Variants in MINPP1 observed in about 807,000 individuals in gnomAD.
MINPP1 encodes multiple inositol-polyphosphate phosphatase 1.
Under a neutral mutation model 46.1 loss-of-function variants are expected in MINPP1, and 28 were observed. That is an observed-to-expected ratio of 0.61 (90% CI 0.45 to 0.83). The LOEUF is 0.83. MINPP1 is among the 40% of genes least tolerant of loss of function. The pLI, the probability that MINPP1 is intolerant of heterozygous loss-of-function variation, is 0.00. For missense variants in MINPP1, 603 were observed against 610.0 expected (o/e 0.99, Z 0.12); for synonymous variants, 268 against 249.1 (o/e 1.08, Z -0.72).
intron 4 of MINPP1, among the ~76,000 whole-genome samples, chr10:87,544,105 A>G (rs911146574): frequency 3.3e-5 from 5 of 152,122 alleles, no homozygotes; most frequent in African/African-American, 1.2e-4. Context: ...CTTTTCAGAC[A>G]CCAGTCATAA....
chr10:87,515,263 T>A (rs370663261), intron 3 of MINPP1, among the ~76,000 whole-genome samples: 2 of 152,028 alleles, frequency 1.3e-5, no homozygotes, highest in East Asian at 2.0e-4. Flanking sequence ...GGTGCACACC[T>A]GTGATCCCAG....
intron 4 of MINPP1, among the ~76,000 whole-genome samples, chr10:87,545,273 T>G (rs1851870601): frequency 6.6e-6 from 1 of 152,094 alleles, no homozygotes; most frequent in Non-Finnish European, 1.5e-5. Context: ...AAAATTTCTC[T>G]AAGTGGGATT....
chr10:87,540,547 A>G (rs1458503477), intron 4 of MINPP1, among the ~76,000 whole-genome samples: 1 of 152,026 alleles, frequency 6.6e-6, no homozygotes, highest in Non-Finnish European at 1.5e-5. Flanking sequence ...CCTCATTCAG[A>G]CATATACACA....
At chr10:87,530,370 G>T (rs1309261071) in intron 4 of MINPP1, among the ~76,000 whole-genome samples, 2 of 152,154 alleles carry the variant, frequency 1.3e-5, no homozygotes, top group East Asian at 1.9e-4. Context: ...TTTGATGATG[G>T]TGATGTACAG....
chr10:87,515,009 C>T (rs548118814), intron 3 of MINPP1, among the ~76,000 whole-genome samples: 5 of 152,138 alleles, frequency 3.3e-5, no homozygotes, highest in Admixed American at 3.3e-4. Context: ...AGCCACCACT[C>T]CTGGCCAGTG....
rs529208179 is a variant in MINPP1 at position 87,531,112 on chromosome 10, T to A, written c.1067+9943T>A. On this transcript the variant is annotated intron_variant, in intron 4 of 4. Transcript: ENST00000371996. ...CAGGTACTGTCTGTCATGGCTTCCT[T>A]TGGCTAAGAAAGGGAATTCCCTGAC... Among the ~76,000 whole-genome samples, 16 of 152,248 alleles carry A rather than the reference T, an allele frequency of 1.1e-4. No individual in the cohort carries two copies. In the East Asian group the frequency reaches 2.3e-3, roughly 22 times the overall value.
At chr10:87,523,412 G>A (rs566326912) in intron 4 of MINPP1, among the ~76,000 whole-genome samples, 1 of 150,822 alleles carries the variant, frequency 6.6e-6, no homozygotes, top group African/African-American at 2.4e-5. Flanking sequence ...GTGCAGTGGC[G>A]TGATCTCGGC....
intron 1 of MINPP1, 44 bp from the exon 2 acceptor site, chr10:87,508,292 A>G: frequency 1.9e-6 from 3 of 1,603,320 alleles, no homozygotes; most frequent in South Asian, 1.1e-5. Context: ...ACTGTCATTT[A>G]TGTCAGTGAT....
At position 87,505,526 on chromosome 10, in the gene MINPP1, C is replaced by G. The variant is rs1564669771; in HGVS notation, c.611C>G (p.Pro204Arg). The change falls in exon 1 of 5, where the codon CCT becomes CGT. Residue 204 changes from proline (P) to arginine (R), a missense_variant. By Grantham distance (103) the Pro-to-Arg change is moderately radical (BLOSUM62 -2). Coordinates refer to ENST00000371996, the MANE Select transcript of MINPP1 (RefSeq NM_004897.5). This position sits in a 1 kb window ranked among gnomAD's most constrained non-coding sequence, Gnocchi z 4.4. ...CAGGGGCTGTGGCAGCACTACCACC[C>G]TGGCTTGCCGCCGCCGGACGTCGCA... ...FLQGLWQHYH[P>R]GLPPPDVADM... is the part of the protein sequence containing the mutation. The G allele has an allele frequency of 6.2e-7, 1 of 1,610,164 alleles. No homozygotes were observed. The highest frequency in any genetic ancestry group is 8.5e-7 in the Non-Finnish European group (1 of 1,179,466).
At position 87,552,340 on chromosome 10, in the gene MINPP1, G is replaced by A. The variant is rs748286541; in HGVS notation, c.1326G>A (p.Val442=). Residue 442 remains valine, a synonymous_variant, in exon 5 of 5, where the codon GTG becomes GTA. Coordinates refer to ENST00000371996, the MANE Select transcript of MINPP1 (RefSeq NM_004897.5). ...FRVQMLLNEK[V]LPLAYSQETV... ...TGCAGATGTTATTAAATGAAAAGGTGTTACCTTTGGCTTACTCACAAGAAA... is the reference window on the plus strand; with the variant it reads ...TGCAGATGTTATTAAATGAAAAGGTATTACCTTTGGCTTACTCACAAGAAA... 10 of 1,613,602 alleles carry A rather than the reference G, an allele frequency of 6.2e-6. No individual in the cohort carries two copies. Among genetic ancestry groups the A allele is most frequent in the South Asian group, 1.1e-5 (1 of 91,076 alleles).
Position 87,505,286 on chromosome 10 carries a change from G to T in MINPP1, c.371G>T (p.Ser124Ile). ...GATGGCGGGGCTAGTAGTACCGGCAGCCGCGACCTGGGTGCAGCGCTGGCC... is the reference window on the plus strand; with the variant it reads ...GATGGCGGGGCTAGTAGTACCGGCATCCGCGACCTGGGTGCAGCGCTGGCC... Reference protein sequence around the residue: ...SRDGGASSTGSRDLGAALADW... With the variant: ...SRDGGASSTGIRDLGAALADW... Residue 124 changes from serine (S) to isoleucine (I), a missense_variant, in exon 1 of 5, where the codon AGC becomes ATC. Transcript: ENST00000371996. The surrounding 1 kb of genome is among the most constrained non-coding windows in gnomAD (Gnocchi z 4.4). 3 of 1,611,014 alleles carry T rather than the reference G, an allele frequency of 1.9e-6. No homozygotes were observed. The highest frequency in any genetic ancestry group is 2.5e-6 in the Non-Finnish European group (3 of 1,177,858).
chr10:87,544,422 T>A (rs976694110), intron 4 of MINPP1, among the ~76,000 whole-genome samples: 3 of 152,206 alleles, frequency 2.0e-5, no homozygotes, highest in Non-Finnish European at 4.4e-5. Context: ...TTAGACATGA[T>A]TAATTAAACT....
intron 4 of MINPP1, among the ~76,000 whole-genome samples, chr10:87,526,752 C>T (rs1265528281): frequency 9.9e-5 from 15 of 152,134 alleles, no homozygotes; most frequent in African/African-American, 3.6e-4. Context: ...CCAGTTTCAG[C>T]TTTCTACATA....
intron 1 of MINPP1, chr10:87,508,017 TG>T (rs1248064381): frequency 2.5e-5 from 35 of 1,404,424 alleles, no homozygotes; most frequent in Non-Finnish European, 2.9e-5. Context: ...ATTTTTAGTT[TG>T]CTTTCTAAAG....
At chr10:87,519,082 C>T (rs1032219773) in intron 3 of MINPP1, among the ~76,000 whole-genome samples, 19 of 152,094 alleles carry the variant, frequency 1.2e-4, no homozygotes, top group African/African-American at 4.1e-4. Flanking sequence ...ATTCTGTTTC[C>T]TGAGGCCTGC....
chr10:87,505,304 C>T lies in MINPP1; in HGVS notation c.389C>T (p.Ala130Val), dbSNP rs1222588948. Residue 130 changes from alanine (A) to valine (V), a missense_variant, in exon 1 of 5, where the codon GCG (alanine) becomes GTG (valine). Physicochemically the swap from Ala to Val is moderately conservative, Grantham distance 64 (BLOSUM62 0). Around this residue, in one of 3 missense-constraint regions of MINPP1, gnomAD observed 239 missense variants for 189.4 expected, o/e 1.26. Coordinates refer to ENST00000371996, the MANE Select transcript of MINPP1 (RefSeq NM_004897.5). This position sits in a 1 kb window ranked among gnomAD's most constrained non-coding sequence, Gnocchi z 4.4. ...SSTGSRDLGA[A>V]LADWPLWYAD... is the part of the protein sequence containing the mutation. ...ACCGGCAGCCGCGACCTGGGTGCAGCGCTGGCCGACTGGCCTTTGTGGTAC... is the reference window on the plus strand; with the variant it reads ...ACCGGCAGCCGCGACCTGGGTGCAGTGCTGGCCGACTGGCCTTTGTGGTAC... The T allele has an allele frequency of 3.7e-6, 6 of 1,611,914 alleles. No homozygotes were observed. The highest frequency in any genetic ancestry group is 5.1e-6 in the Non-Finnish European group (6 of 1,178,518).
chr10:87,545,955 G>A (rs1165862832), intron 4 of MINPP1, among the ~76,000 whole-genome samples: 1 of 152,142 alleles, frequency 6.6e-6, no homozygotes, highest in Non-Finnish European at 1.5e-5. Context: ...TGATCATGTC[G>A]TGGGGCAAAA....
intron 4 of MINPP1, among the ~76,000 whole-genome samples, chr10:87,546,120 G>A (rs746986901): frequency 1.4e-4 from 21 of 152,212 alleles, no homozygotes; most frequent in Admixed American, 3.3e-4. Context: ...AGGGCTGCTG[G>A]TTGGCTATTT....
chr10:87,530,493 G>A (rs1475305166), intron 4 of MINPP1, among the ~76,000 whole-genome samples: 3 of 152,186 alleles, frequency 2.0e-5, no homozygotes, highest in African/African-American at 7.2e-5. Flanking sequence ...GACCCTGTTT[G>A]CCTGGGTATC....
Sources: allele counts gnomAD v4.1 joint callset (sites outside exome capture counted in the v4.1 genomes callset), GRCh38; gene constraint gnomAD v4.1.1; regional missense constraint gnomAD v4.1.1; non-coding constraint Gnocchi (gnomAD v3.1); transcripts MANE v1.5; gene names NCBI Gene and HGNC (gene_info 2026-07-23, HGNC 2026-07-21).